The following FGF18 variants were observed in gnomAD, a reference collection of about 807,000 sequenced individuals.
The protein encoded by FGF18 is fibroblast growth factor 18.
A neutral mutation model predicts 23.0 loss-of-function variants in FGF18; 5 were observed. The ratio of observed to expected loss-of-function variants is 0.22; its 90% CI spans 0.11 to 0.46. The LOEUF (loss-of-function observed/expected upper bound fraction) is 0.46, where lower values mean the gene tolerates loss of function less well. FGF18 is among the 20% of genes least tolerant of loss of function. FGF18 has a pLI of 0.99. For synonymous variants in FGF18, 117 were observed against 118.9 expected, an observed-to-expected ratio of 0.98 and a Z score of 0.10; for missense variants, 180 against 291.6, an observed-to-expected ratio of 0.62 and a Z score of 2.79.
At chr5:171,449,427 G>GGA (rs753821843) in intron 4 of FGF18, among the ~76,000 whole-genome samples, 174 bp downstream of exon 4, 18 of 146,566 alleles carry the variant, frequency 1.2e-4, no homozygotes, top group African/African-American at 3.0e-4. Flanking sequence ...GAGAGAGACA[G>GGA]GAGAGAGAGA....
At chr5:171,421,758 A>T (rs576774309) in intron 2 of FGF18, among the ~76,000 whole-genome samples, 53 of 151,580 alleles carry the variant, frequency 3.5e-4, no homozygotes, top group African/African-American at 1.3e-3. Context: ...GGACGGACTG[A>T]TGGGTTCTTT....
chr5:171,426,946 C>T (rs909969234), intron 2 of FGF18, among the ~76,000 whole-genome samples: 3 of 152,158 alleles, frequency 2.0e-5, no homozygotes, highest in Admixed American at 6.5e-5. Flanking sequence ...TGGTGGCTCA[C>T]GCCTATAATC....
At chr5:171,433,881 TG>T (rs1772213201) in intron 2 of FGF18, among the ~76,000 whole-genome samples, 1 of 152,248 alleles carries the variant, frequency 6.6e-6, no homozygotes, top group African/African-American at 2.4e-5. Flanking sequence ...GGTTCCCTTG[TG>T]TTCTATCACT....
intron 4 of FGF18, among the ~76,000 whole-genome samples, chr5:171,452,775 A>C (rs767523440): frequency 6.6e-6 from 1 of 152,224 alleles, no homozygotes; most frequent in Non-Finnish European, 1.5e-5. Flanking sequence ...TCTGCCCACC[A>C]GCACATCTTT....
At chr5:171,445,436 G>A (rs1396890481) in intron 3 of FGF18, among the ~76,000 whole-genome samples, 3 of 152,144 alleles carry the variant, frequency 2.0e-5, no homozygotes, top group Admixed American at 2.0e-4. Flanking sequence ...TCGGCTCACT[G>A]CAAACTCTGC....
chr5:171,441,945 C>G (rs1772352396), intron 3 of FGF18, among the ~76,000 whole-genome samples: 1 of 152,150 alleles, frequency 6.6e-6, no homozygotes, highest in Admixed American at 6.5e-5. Context: ...TTCTATCCGG[C>G]CAGGCTTGCA....
At chr5:171,431,671 C>A (rs1210399400) in intron 2 of FGF18, among the ~76,000 whole-genome samples, 1 of 152,204 alleles carries the variant, frequency 6.6e-6, no homozygotes, top group African/African-American at 2.4e-5. Context: ...AAAAGATAAT[C>A]CATGTGCATG....
chr5:171,420,609 C>G (rs1771990749), intron 2 of FGF18, among the ~76,000 whole-genome samples, 166 bp downstream of exon 2: 1 of 152,154 alleles, frequency 6.6e-6, no homozygotes, highest in African/African-American at 2.4e-5. Context: ...CGCCCTGCGC[C>G]GGCGGGGAAC....
intron 2 of FGF18, among the ~76,000 whole-genome samples, chr5:171,430,952 A>G (rs1437910518): frequency 6.6e-6 from 1 of 152,212 alleles, no homozygotes; most frequent in East Asian, 1.9e-4. Flanking sequence ...AAGCCAGGTG[A>G]CAGCTAAGGT....
Position 171,421,005 on chromosome 5 carries a change from C to T in FGF18, c.69+562C>T, listed in dbSNP as rs1036625761. Among the ~76,000 whole-genome samples, 4 of 152,374 alleles carry T rather than the reference C, an allele frequency of 2.6e-5. No individual in the cohort carries two copies. The East Asian group carries it at 5.8e-4, about 22-fold the overall frequency. On this transcript the variant is annotated intron_variant, in intron 2 of 4. Coordinates refer to ENST00000274625, the MANE Select transcript of FGF18 (RefSeq NM_003862.3). ...CGAGTGGCCGCTGCCCGCGAGGCCG[C>T]TCCCGGATGGGCCGCGCTCCGCACT...
At position 171,440,996 on chromosome 5, in the gene FGF18, C is replaced by T. The variant is rs1209362250; in HGVS notation, c.250+4723C>T. ...CACAAGGCCTGGCAGAGAGCAGGGC[C>T]CCTTTAAATGTGGCTAGAAGGATGC... On this transcript the variant is annotated intron_variant, in intron 3 of 4. Coordinates refer to ENST00000274625, the MANE Select transcript of FGF18 (RefSeq NM_003862.3). The surrounding 1 kb of genome is among the most constrained non-coding windows in gnomAD (Gnocchi z 4.0). Among the ~76,000 whole-genome samples, 1 of 152,146 alleles carries T rather than the reference C, an allele frequency of 6.6e-6. No homozygotes were observed. Among genetic ancestry groups the T allele is most frequent in the Non-Finnish European group, 1.5e-5 (1 of 68,032 alleles).
At position 171,455,493 on chromosome 5, in the gene FGF18, A is replaced by G. The variant is rs538461407; in HGVS notation, c.358-1046A>G. Among the ~76,000 whole-genome samples the G allele has an allele frequency of 7.9e-5, 12 of 152,364 alleles. 1 individual carries two copies. In the South Asian group the frequency reaches 2.5e-3, roughly 32 times the overall value. On this transcript the variant is annotated intron_variant, in intron 4 of 4. Transcript: ENST00000274625. ...AGTATCACCTGTTTTAAAGGAAACG[A>G]ACCATCATTGGCCCACATAACCGTG...
In FGF18 at chr5:171,451,535, G is replaced by C. The variant is rs982912372; in HGVS notation, c.357+2282G>C. Among the ~76,000 whole-genome samples, 2 of 152,148 alleles carry C rather than the reference G, an allele frequency of 1.3e-5. No homozygotes were observed. The highest frequency in any genetic ancestry group is 2.4e-5 in the African/African-American group (1 of 41,448). On this transcript the variant is annotated intron_variant, in intron 4 of 4. Coordinates refer to ENST00000274625, the MANE Select transcript of FGF18 (RefSeq NM_003862.3). This position sits in a 1 kb window ranked among gnomAD's most constrained non-coding sequence, Gnocchi z 4.5. ...TACCATCCCGGAAATCGTTGCCCCAGCCGCCTGGCGTGTGGCTTCTGCATC... is the reference window on the plus strand; with the variant it reads ...TACCATCCCGGAAATCGTTGCCCCACCCGCCTGGCGTGTGGCTTCTGCATC...
chr5:171,423,643 C>T (rs1380188497), intron 2 of FGF18, among the ~76,000 whole-genome samples: 1 of 152,172 alleles, frequency 6.6e-6, no homozygotes, highest in Non-Finnish European at 1.5e-5. Context: ...CCCCTCTCGG[C>T]CTGACCACCC....
rs199946177 is a variant in FGF18 at position 171,449,286 on chromosome 5, G to A, written c.357+33G>A. ...ATGGTTTGGGATTCCCGGGAACTTC[G>A]GGTTCCCCTCTGGCAGCTCTGGGAG... On this transcript the variant is annotated intron_variant, in intron 4 of 4. Transcript: ENST00000274625. The A allele has an allele frequency of 1.3e-5, 20 of 1,520,826 alleles. No homozygotes were observed. In the East Asian group the frequency reaches 1.8e-4, roughly 14 times the overall value. The allele number at this position is 1,520,826 out of a possible 1,614,324, so 94.2% of individuals were successfully genotyped here.
In FGF18 at chr5:171,440,767, A is replaced by C. The variant is rs1397598628; in HGVS notation, c.250+4494A>C. Among the ~76,000 whole-genome samples, 1 of 152,118 alleles carries C rather than the reference A, an allele frequency of 6.6e-6. No individual in the cohort carries two copies. The highest frequency in any genetic ancestry group is 1.5e-5 in the Non-Finnish European group (1 of 68,014). On this transcript the variant is annotated intron_variant, in intron 3 of 4. Transcript: ENST00000274625. The surrounding 1 kb of genome is among the most constrained non-coding windows in gnomAD (Gnocchi z 4.0). ...GGTTAGTCTGTGATTCCAGCTTTAC[A>C]GGGAGTCAGCACGCCCCAGTGCAGA... is the stretch of plus-strand genomic sequence containing the variant.
intron 2 of FGF18, among the ~76,000 whole-genome samples, chr5:171,423,999 A>C (rs1446474243): frequency 6.6e-6 from 1 of 152,048 alleles, no homozygotes; most frequent in Non-Finnish European, 1.5e-5. Flanking sequence ...TCCTGACCTC[A>C]GGTGATCTGC....
rs1378530344 is a variant in FGF18, at chr5:171,436,948, CAG to C, written c.250+678_250+679del. On this transcript the variant is annotated intron_variant, in intron 3 of 4. Transcript: ENST00000274625. The surrounding 1 kb of genome is among the most constrained non-coding windows in gnomAD (Gnocchi z 4.4). ...TGAAACAGGCAGCGCTCCGCCTTCC[CAG>C]AGCTTGGAGGGCCTCTGGCCTAGAC... Among the ~76,000 whole-genome samples, 11 of 152,224 alleles carry C rather than the reference CAG, an allele frequency of 7.2e-5. No individual in the cohort carries two copies. The highest frequency in any genetic ancestry group is 3.3e-4 in the Admixed American group (5 of 15,282).
intron 3 of FGF18, among the ~76,000 whole-genome samples, chr5:171,446,355 C>G (rs1306349901): frequency 6.6e-6 from 1 of 152,100 alleles, no homozygotes; most frequent in African/African-American, 2.4e-5. Context: ...GGAGGCCTGT[C>G]CCTCCAGACC....
Sources: allele counts gnomAD v4.1 joint callset (sites outside exome capture counted in the v4.1 genomes callset), GRCh38; gene constraint gnomAD v4.1.1; non-coding constraint Gnocchi (gnomAD v3.1); transcripts MANE v1.5; gene names NCBI Gene and HGNC (gene_info 2026-07-23, HGNC 2026-07-21).